The following TTLL5 variants were observed in gnomAD, a reference collection of about 807,000 sequenced individuals.
TTLL5 encodes tubulin tyrosine ligase like 5, also known as tubulin polyglutamylase TTLL5.
In TTLL5, 132 loss-of-function variants were observed where a neutral mutation model predicts 168.4. The ratio of observed to expected loss-of-function variants is 0.78; its 90% CI spans 0.68 to 0.91. The LOEUF is 0.91. Among genes scored for constraint, TTLL5 ranks in the 40% least tolerant of loss-of-function variants. The pLI, the probability that TTLL5 is intolerant of heterozygous loss-of-function variation, is 0.00. For synonymous variants in TTLL5, 546 were observed against 558.6 expected (o/e 0.98, Z 0.32); for missense variants, 1,545 against 1,581.5 (o/e 0.98, Z 0.39).
At chr14:75,721,860 G>A (rs1050982023) in intron 12 of TTLL5, among the ~76,000 whole-genome samples, 1 of 152,124 alleles carries the variant, frequency 6.6e-6, no homozygotes, top group African/African-American at 2.4e-5. Context: ...GTAAACAAAG[G>A]GAATTGTTGA....
chr14:75,742,749 A>T (rs1247651576), intron 15 of TTLL5, among the ~76,000 whole-genome samples: 1 of 152,202 alleles, frequency 6.6e-6, no homozygotes, highest in Non-Finnish European at 1.5e-5. Flanking sequence ...CTAGGTAAGT[A>T]TTTTTTGGCA....
At chr14:75,950,159 C>A (rs369278747) in intron 31 of TTLL5, among the ~76,000 whole-genome samples, 1 of 152,000 alleles carries the variant, frequency 6.6e-6, no homozygotes, top group Non-Finnish European at 1.5e-5. Flanking sequence ...AGACACATTG[C>A]GGTTAGAAGA....
chr14:75,865,385 C>A (rs2030431151), intron 29 of TTLL5, among the ~76,000 whole-genome samples: 1 of 151,946 alleles, frequency 6.6e-6, no homozygotes, highest in Non-Finnish European at 1.5e-5. Flanking sequence ...GGAAGTATCA[C>A]TGTATAGCCT....
intron 26 of TTLL5, among the ~76,000 whole-genome samples, chr14:75,785,860 G>A (rs1164922004): frequency 6.6e-6 from 1 of 152,092 alleles, no homozygotes. Context: ...TGGATCCCTT[G>A]CATTTTCATA....
At chr14:75,666,467 G>A (rs1412273335) in intron 2 of TTLL5, among the ~76,000 whole-genome samples, 1 of 152,228 alleles carries the variant, frequency 6.6e-6, no homozygotes, top group South Asian at 2.1e-4. Flanking sequence ...CGTGATGTAA[G>A]ATTTCTTTGG....
At chr14:75,709,367 CCTCGCTGGTGGAG>C (rs1253317476) in intron 9 of TTLL5, 1 of 586,864 alleles carries the variant, frequency 1.7e-6, no homozygotes, top group Non-Finnish European at 3.1e-6. Context: ...ACTAACCAAA[CCTCGCTGGTGGAG>C]CTCTGTGTTC....
chr14:75,780,123 A>G (rs558758272), intron 24 of TTLL5, among the ~76,000 whole-genome samples: 1 of 152,344 alleles, frequency 6.6e-6, no homozygotes, highest in African/African-American at 2.4e-5. Context: ...GGGACAAGGA[A>G]TTTGATACAT....
intron 31 of TTLL5, among the ~76,000 whole-genome samples, chr14:75,953,056 A>G (rs1035911675): frequency 2.0e-5 from 3 of 152,232 alleles, no homozygotes; most frequent in African/African-American, 7.2e-5. Flanking sequence ...TTAAAAAATC[A>G]ATAACAATTC....
chr14:75,753,030 A>G, intron 18 of TTLL5, 75 bp downstream of exon 18: 2 of 1,418,278 alleles, frequency 1.4e-6, no homozygotes, highest in Non-Finnish European at 2.0e-6. Flanking sequence ...AGAAGGAAAC[A>G]GACCTTATAA....
chr14:75,726,725 T>C (rs1228286267), intron 12 of TTLL5, among the ~76,000 whole-genome samples: 1 of 152,090 alleles, frequency 6.6e-6, no homozygotes, highest in African/African-American at 2.4e-5. Flanking sequence ...ATAGCGTGCA[T>C]AGAATGGGGG....
chr14:75,863,286 G>A (rs952982053), intron 28 of TTLL5, among the ~76,000 whole-genome samples: 2 of 152,184 alleles, frequency 1.3e-5, no homozygotes, highest in African/African-American at 4.8e-5. Flanking sequence ...AAATGATCAT[G>A]CATCTGTTCC....
intron 28 of TTLL5, among the ~76,000 whole-genome samples, chr14:75,824,337 A>G (rs1460448694): frequency 6.6e-6 from 1 of 152,216 alleles, no homozygotes; most frequent in African/African-American, 2.4e-5. Flanking sequence ...TGAAACAATC[A>G]GAGCAGTGGC....
intron 27 of TTLL5, among the ~76,000 whole-genome samples, chr14:75,801,707 TC>T (rs1362760363): frequency 1.3e-5 from 2 of 152,256 alleles, no homozygotes; most frequent in African/African-American, 4.8e-5. Flanking sequence ...GAAAATTCTG[TC>T]ATTGATTATT....
chr14:75,785,176 CTTTTT>C (rs903930146), intron 26 of TTLL5, among the ~76,000 whole-genome samples: 2 of 102,558 alleles, frequency 2.0e-5, no homozygotes, highest in East Asian at 3.1e-4. Context: ...AGATTTCCTC[CTTTTT>C]TTTTTTTTTT....
At position 75,663,112 on chromosome 14, in the gene TTLL5, G is replaced by GC. The variant is rs751149625; in HGVS notation, c.-33dup. Reference sequence around the variant, plus strand: ...GAATCTGCTAGGAAAGGTCTCTGAGGCCCCCGTCTGCTGACTGCATGACAA... The same window carrying GC: ...GAATCTGCTAGGAAAGGTCTCTGAGGCCCCCCGTCTGCTGACTGCATGACAA... On this transcript the variant is annotated 5_prime_UTR_variant, in exon 2 of 32. It removes the in-frame stop codon of an upstream open reading frame in the 5' UTR. Transcript: ENST00000298832. The GC allele has an allele frequency of 1.2e-6, 2 of 1,601,494 alleles. No homozygotes were observed. The highest frequency in any genetic ancestry group is 1.7e-5 in the Admixed American group (1 of 59,350).
At chr14:75,834,663 G>A (rs923629211) in intron 28 of TTLL5, among the ~76,000 whole-genome samples, 2 of 152,150 alleles carry the variant, frequency 1.3e-5, no homozygotes, top group Admixed American at 1.3e-4. Flanking sequence ...CCTACTACAA[G>A]AAGTCACACA....
At chr14:75,832,468 T>C (rs1895627369) in intron 28 of TTLL5, among the ~76,000 whole-genome samples, 1 of 152,242 alleles carries the variant, frequency 6.6e-6, no homozygotes, top group South Asian at 2.1e-4. Context: ...TACATTTTAT[T>C]TCTGGACCAG....
intron 31 of TTLL5, among the ~76,000 whole-genome samples, chr14:75,909,983 A>C (rs1045075703): frequency 1.3e-5 from 2 of 152,230 alleles, no homozygotes; most frequent in African/African-American, 4.8e-5. Context: ...GAGGAAGAAG[A>C]CAGCCTGGCT....
At chr14:75,734,537 G>GT (rs1032651579) in intron 14 of TTLL5, among the ~76,000 whole-genome samples, 7 of 151,298 alleles carry the variant, frequency 4.6e-5, no homozygotes, top group East Asian at 3.9e-4. Context: ...GGGCTTGTTG[G>GT]TTTTTTTTTA....
Sources: allele counts gnomAD v4.1 joint callset (sites outside exome capture counted in the v4.1 genomes callset), GRCh38; gene constraint gnomAD v4.1.1; transcripts MANE v1.5; gene names NCBI Gene and HGNC (gene_info 2026-07-23, HGNC 2026-07-21).